The following EXOC3L2 variants were observed in gnomAD, a reference collection of about 807,000 sequenced individuals.
The protein encoded by EXOC3L2 is exocyst complex component 3-like protein 2.
Under a neutral mutation model 44.4 loss-of-function variants are expected in EXOC3L2, and 17 were observed. That is an observed-to-expected ratio of 0.38 (90% CI 0.26 to 0.57). The LOEUF is 0.57. Ranked by LOEUF, EXOC3L2 falls within the 20% of genes least tolerant of loss-of-function variation. The pLI, the probability that EXOC3L2 is intolerant of heterozygous loss-of-function variation, is 0.65. For missense variants in EXOC3L2, 541 were observed against 588.4 expected (o/e 0.92, Z 0.83); for synonymous variants, 256 against 253.7 (o/e 1.01, Z -0.09).
At chr19:45,230,426 G>A (rs925340068) in intron 4 of EXOC3L2, among the ~76,000 whole-genome samples, 1 of 152,122 alleles carries the variant, frequency 6.6e-6, no homozygotes, top group Non-Finnish European at 1.5e-5. Context: ...CACTGTGTTA[G>A]CCAGGATGGT....
chr19:45,224,688 G>T, intron 8 of EXOC3L2, 90 bp downstream of exon 8: 1 of 1,457,558 alleles, frequency 6.9e-7, no homozygotes, highest in Non-Finnish European at 9.1e-7. Flanking sequence ...CAAACACTGA[G>T]CCATGGGCTA....
At chr19:45,216,341 G>A (rs924251996) in intron 10 of EXOC3L2, 147 bp from the exon 11 acceptor site, 3 of 1,142,188 alleles carry the variant, frequency 2.6e-6, no homozygotes, top group African/African-American at 1.6e-5. Context: ...TTTGGGAGGA[G>A]GCCGAGGCGG....
intron 3 of EXOC3L2, 44 bp from the exon 4 acceptor site, chr19:45,231,918 G>T: frequency 7.1e-7 from 1 of 1,417,148 alleles, no homozygotes; most frequent in Non-Finnish European, 9.7e-7. Context: ...GAAAAGTGGG[G>T]CTGGGCAGTT....
intron 4 of EXOC3L2, among the ~76,000 whole-genome samples, chr19:45,230,524 G>C (rs10402508): frequency 0.74 from 112,055 of 151,924 alleles, 42,418 homozygotes; most frequent in African/African-American, 0.92. Flanking sequence ...GGCCACAAAA[G>C]TTTTAAAACA....
At position 45,240,024 on chromosome 19, in the gene EXOC3L2, T is replaced by C. The variant is rs1001658102; in HGVS notation, c.-16-963A>G. Among the ~76,000 whole-genome samples the C allele has an allele frequency of 1.2e-4, 19 of 152,132 alleles. 1 individual carries two copies. The highest frequency in any genetic ancestry group is 9.8e-4 in the Admixed American group (15 of 15,242). On this transcript the variant is annotated intron_variant, in intron 1 of 11. Transcript: ENST00000413988. ...ATCCCCTTCATTTCTCCTGTTTGAT[T>C]TGTACCCTTGTCATCTCTCCCTCAT...
At chr19:45,224,972 G>A (rs1234010693) in intron 7 of EXOC3L2, 59 bp from the exon 8 acceptor site, 1 of 1,477,204 alleles carries the variant, frequency 6.8e-7, no homozygotes, top group Non-Finnish European at 9.0e-7. Flanking sequence ...CAACTGCCTA[G>A]GCCTGTCTTC....
rs1254010313 is a variant in EXOC3L2 at position 45,234,011 on chromosome 19, C to T, written c.1157+182G>A. Among the ~76,000 whole-genome samples the T allele has an allele frequency of 6.6e-6, 1 of 152,100 alleles. No individual in the cohort carries two copies. The highest frequency in any genetic ancestry group is 1.5e-5 in the Non-Finnish European group (1 of 68,012). On this transcript the variant is annotated intron_variant, in intron 3 of 11. Transcript: ENST00000413988. This position sits in a 1 kb window ranked among gnomAD's most constrained non-coding sequence, Gnocchi z 5.0. ...ACTAAGGTGCTGGAACCGGAAGCCTCGGTAGCAGTGAGAGTCTAGGATTGT... is the reference window on the plus strand; with the variant it reads ...ACTAAGGTGCTGGAACCGGAAGCCTTGGTAGCAGTGAGAGTCTAGGATTGT...
Position 45,217,651 on chromosome 19 carries a change from C to T in EXOC3L2, c.1875G>A (p.Leu625=). 3 of 1,427,808 alleles carry T rather than the reference C, an allele frequency of 2.1e-6. No individual in the cohort carries two copies. Among genetic ancestry groups the T allele is most frequent in the Non-Finnish European group, 2.7e-6 (3 of 1,099,670 alleles). The allele number at this position is 1,427,808 out of a possible 1,614,324, so 88.4% of individuals were successfully genotyped here. The part of the protein sequence containing the change: ...ALVAELHRRA[L]VEYVRPLLRG... ...GGAGCAGGGGCCGCACGTACTCGAC[C>T]AGCGCCCGCCGGTGTAGCTCGGCTA... Residue 625 remains leucine, a synonymous_variant, in exon 10 of 12, where the codon CTG becomes CTA. Coordinates refer to ENST00000413988, the MANE Select transcript of EXOC3L2 (RefSeq NM_001382422.1).
At chr19:45,240,335 C>T (rs1455192088) in intron 1 of EXOC3L2, among the ~76,000 whole-genome samples, 4 of 151,682 alleles carry the variant, frequency 2.6e-5, no homozygotes, top group Non-Finnish European at 5.9e-5. Context: ...CCAGGCTGGT[C>T]TCAAACTCCT....
At position 45,234,146 on chromosome 19, in the gene EXOC3L2, T is replaced by A; in HGVS notation, c.1157+47A>T. On this transcript the variant is annotated intron_variant, in intron 3 of 11. Transcript: ENST00000413988. This position sits in a 1 kb window ranked among gnomAD's most constrained non-coding sequence, Gnocchi z 5.0. ...GTCTGAAGAAGCCAGTGCTAGGGGG[T>A]AGGGCTGAGGGTTTCACGTGACCTT... 2 of 387,370 alleles carry A rather than the reference T, an allele frequency of 5.2e-6. No homozygotes were observed. The highest frequency in any genetic ancestry group is 9.1e-6 in the Non-Finnish European group (2 of 218,768). The allele number at this position is 387,370 out of a possible 1,614,324, so 24.0% of individuals were successfully genotyped here. A position where few individuals can be genotyped will look rare whatever the true frequency, so the allele number is the denominator to read the frequency against.
chr19:45,237,726 T>G (rs913610105), intron 2 of EXOC3L2, among the ~76,000 whole-genome samples: 2 of 151,720 alleles, frequency 1.3e-5, no homozygotes, highest in Non-Finnish European at 2.9e-5. Flanking sequence ...AAAAGATATG[T>G]GAAGTCTTCA....
At chr19:45,231,646 G>A (rs1409672852) in intron 4 of EXOC3L2, 117 bp downstream of exon 4, 20 of 870,928 alleles carry the variant, frequency 2.3e-5, no homozygotes, top group Non-Finnish European at 3.2e-5. Context: ...TCAGAAGTTC[G>A]TAAAGGGAAA....
chr19:45,216,317 T>C, intron 10 of EXOC3L2, 123 bp from the exon 11 acceptor site: 1 of 1,364,230 alleles, frequency 7.3e-7, no homozygotes. Context: ...GGCTCAAGCC[T>C]GTAATCCCAG....
At chr19:45,225,462 G>A (rs1459767192) in intron 7 of EXOC3L2, among the ~76,000 whole-genome samples, 1 of 151,440 alleles carries the variant, frequency 6.6e-6, no homozygotes, top group African/African-American at 2.4e-5. Context: ...TAGAGATGGG[G>A]TTTCACCGTG....
At position 45,216,332 on chromosome 19, in the gene EXOC3L2, T is replaced by G. The variant is rs184421739; in HGVS notation, c.1999-138A>C. On this transcript the variant is annotated intron_variant, in intron 10 of 11. Transcript: ENST00000413988. Reference sequence around the variant, plus strand: ...GGCTCAAGCCTGTAATCCCAGCACTTTGGGAGGAGGCCGAGGCGGGTGGAT... The same window carrying G: ...GGCTCAAGCCTGTAATCCCAGCACTGTGGGAGGAGGCCGAGGCGGGTGGAT... 5.6e-4 allele frequency: 708 copies of G among 1,257,730 alleles called. 6 individuals carry two copies. In the African/African-American group the frequency reaches 9.2e-3, roughly 16 times the overall value. The allele number at this position is 1,257,730 out of a possible 1,614,324, so 77.9% of individuals were successfully genotyped here.
intron 4 of EXOC3L2, among the ~76,000 whole-genome samples, chr19:45,231,457 C>CAAA (rs34610401): frequency 1.6e-3 from 97 of 60,696 alleles, no homozygotes; most frequent in African/African-American, 1.8e-3. Context: ...GACCCTGCCT[C>CAAA]AAAAAAAAAA....
In EXOC3L2 at chr19:45,239,667, C is replaced by T. The variant is rs181614142; in HGVS notation, c.-16-606G>A. 3.2e-4 allele frequency among the ~76,000 whole-genome samples: 48 copies of T among 151,924 alleles called. 1 individual carries two copies. Among genetic ancestry groups the T allele is most frequent in the Admixed American group, 2.7e-3 (41 of 15,246 alleles). ...TCCGGAGTAGCTGGGACTACAGGCG[C>T]GCGCCACCACACAAGGCTAAGTTTT... On this transcript the variant is annotated intron_variant, in intron 1 of 11. Coordinates refer to ENST00000413988, the MANE Select transcript of EXOC3L2 (RefSeq NM_001382422.1).
At position 45,238,844 on chromosome 19, in the gene EXOC3L2, G is replaced by C. The variant is rs1053731373; in HGVS notation, c.202C>G (p.Arg68Gly). The C allele has an allele frequency of 5.0e-6, 2 of 398,990 alleles. No homozygotes were observed. The allele number at this position is 398,990 out of a possible 1,614,324, so 24.7% of individuals were successfully genotyped here. A position where few individuals can be genotyped will look rare whatever the true frequency, so the allele number is the denominator to read the frequency against. The change falls in exon 2 of 12, where the codon CGG becomes GGG. Residue 68 changes from arginine to glycine, a missense_variant. Transcript: ENST00000413988. The surrounding 1 kb of genome is among the most constrained non-coding windows in gnomAD (Gnocchi z 5.5). The part of the protein sequence containing the change: ...LEKLAGLAPF[R>G]LGWAPGRRAG... ...CGCCGGCCCGGGGCCCAGCCCAGCCGGAAGGGGGCCAGGCCCGCAAGCTTC... is the reference window on the plus strand; with the variant it reads ...CGCCGGCCCGGGGCCCAGCCCAGCCCGAAGGGGGCCAGGCCCGCAAGCTTC...
intron 10 of EXOC3L2, among the ~76,000 whole-genome samples, chr19:45,216,471 CAGG>C (rs1328760372): frequency 6.6e-6 from 1 of 152,002 alleles, no homozygotes; most frequent in Non-Finnish European, 1.5e-5. Context: ...CCCAACTACT[CAGG>C]AGGCTGAAGC....
Sources: allele counts gnomAD v4.1 joint callset (sites outside exome capture counted in the v4.1 genomes callset), GRCh38; gene constraint gnomAD v4.1.1; non-coding constraint Gnocchi (gnomAD v3.1); transcripts MANE v1.5; gene names NCBI Gene and HGNC (gene_info 2026-07-23, HGNC 2026-07-21).